The following CADM2 variants were observed in gnomAD, a reference collection of about 807,000 sequenced individuals.
CADM2 encodes the protein immunoglobulin superfamily member 4D.
In CADM2, 12 loss-of-function variants were observed where a neutral mutation model predicts 49.8. That is an observed-to-expected ratio of 0.24 (90% CI 0.15 to 0.39). The LOEUF is 0.39. Among genes scored for constraint, CADM2 ranks in the 10% least tolerant of loss-of-function variants. CADM2 has a pLI of 1.00. For synonymous variants in CADM2, 214 were observed against 175.4 expected, an observed-to-expected ratio of 1.22 and a Z score of -1.74; for missense variants, 378 against 492.3, an observed-to-expected ratio of 0.77 and a Z score of 2.20.
chr3:85,636,925 T>G (rs1359602421), intron 1 of CADM2, among the ~76,000 whole-genome samples: 1 of 152,170 alleles, frequency 6.6e-6, no homozygotes, highest in Non-Finnish European at 1.5e-5. Context: ...AACAAAATGC[T>G]TGTCTCAGAA....
At chr3:85,126,906 A>G (rs1440816517) in intron 1 of CADM2, among the ~76,000 whole-genome samples, 1 of 152,168 alleles carries the variant, frequency 6.6e-6, no homozygotes, top group Non-Finnish European at 1.5e-5. Flanking sequence ...ACCTGGATCA[A>G]GAGTTTAAAA....
At chr3:84,962,414 T>TCAAA (rs34334068) in intron 1 of CADM2, among the ~76,000 whole-genome samples, 83,889 of 151,534 alleles carry the variant, frequency 0.55, 23,618 homozygotes, top group African/African-American at 0.63. Flanking sequence ...CAGTTTTTGC[T>TCAAA]CAAATTGCTC....
chr3:85,501,239 GA>G, intron 1 of CADM2, among the ~76,000 whole-genome samples: 2 of 152,204 alleles, frequency 1.3e-5, no homozygotes, highest in Middle Eastern at 6.8e-3. Flanking sequence ...TATTTTACTT[GA>G]AAGATTGGTA....
chr3:85,110,675 G>T (rs569768037), intron 1 of CADM2, among the ~76,000 whole-genome samples: 1 of 151,790 alleles, frequency 6.6e-6, no homozygotes, highest in Non-Finnish European at 1.5e-5. Flanking sequence ...TGTTAAGCTG[G>T]CAAATACACG....
chr3:85,953,735 G>A (rs937100220), intron 7 of CADM2, among the ~76,000 whole-genome samples: 2 of 150,744 alleles, frequency 1.3e-5, no homozygotes, highest in Non-Finnish European at 3.0e-5. Context: ...ACAATCCCTG[G>A]TTCAAAAACT....
At chr3:85,264,724 A>G (rs114492138) in intron 1 of CADM2, among the ~76,000 whole-genome samples, 404 of 152,242 alleles carry the variant, frequency 2.7e-3, no homozygotes, top group Middle Eastern at 3.4e-3. Context: ...ATAACTATGG[A>G]ACATAAGTAA....
intron 8 of CADM2, 30 bp downstream of exon 8, chr3:85,961,677 GA>G: frequency 6.8e-7 from 1 of 1,463,432 alleles, no homozygotes; most frequent in Non-Finnish European, 9.2e-7. Context: ...CATTATATGT[GA>G]AAGGATGCAT....
rs1017196663 is a variant in CADM2, at chr3:84,970,342, A to G, written c.61+10674A>G. ...ATTATCTGCCTTTTAAAGAAAATAT[A>G]AGTACAGTTACTGGAAACTCGAAAC... On this transcript the variant is annotated intron_variant, in intron 1 of 9. Coordinates refer to ENST00000383699, the MANE Select transcript of CADM2 (RefSeq NM_001167675.2). Among the ~76,000 whole-genome samples the G allele has an allele frequency of 2.2e-4, 33 of 151,414 alleles. 1 individual carries two copies. The highest frequency in any genetic ancestry group is 1.8e-3 in the Admixed American group (28 of 15,174).
chr3:85,269,769 T>A (rs2043197088), intron 1 of CADM2, among the ~76,000 whole-genome samples: 1 of 151,382 alleles, frequency 6.6e-6, no homozygotes, highest in Non-Finnish European at 1.5e-5. Context: ...GCCGAATCAA[T>A]GCAAACCATC....
At chr3:85,099,822 G>A (rs147247097) in intron 1 of CADM2, among the ~76,000 whole-genome samples, 1 of 152,260 alleles carries the variant, frequency 6.6e-6, no homozygotes, top group African/African-American at 2.4e-5. Flanking sequence ...ATACACTAGC[G>A]ATGGAATGGG....
intron 1 of CADM2, among the ~76,000 whole-genome samples, chr3:85,458,215 G>A (rs1576592045): frequency 6.6e-6 from 1 of 152,042 alleles, no homozygotes; most frequent in Non-Finnish European, 1.5e-5. Flanking sequence ...GCTGAATAAC[G>A]TTATTCTTTG....
intron 1 of CADM2, among the ~76,000 whole-genome samples, chr3:85,245,263 A>G (rs2042619123): frequency 6.6e-6 from 1 of 152,190 alleles, no homozygotes; most frequent in South Asian, 2.1e-4. Flanking sequence ...CTGTAATCCC[A>G]GCACTTTGGG....
intron 6 of CADM2, among the ~76,000 whole-genome samples, chr3:85,918,217 T>A (rs1371849650): frequency 6.6e-6 from 1 of 152,152 alleles, no homozygotes; most frequent in Non-Finnish European, 1.5e-5. Context: ...AGAGAAGGCA[T>A]CCCTGTCTTG....
chr3:85,116,901 T>A (rs2038659040), intron 1 of CADM2, among the ~76,000 whole-genome samples: 1 of 152,140 alleles, frequency 6.6e-6, no homozygotes, highest in African/African-American at 2.4e-5. Context: ...TAGCTAAAGA[T>A]AAGATAATTT....
At chr3:85,811,798 C>T (rs370274896) in intron 3 of CADM2, among the ~76,000 whole-genome samples, 13 of 151,388 alleles carry the variant, frequency 8.6e-5, no homozygotes, top group African/African-American at 2.9e-4. Context: ...ATTTTCCTCT[C>T]TCAAAACAAA....
At chr3:86,047,068 G>A (rs575598841) in intron 8 of CADM2, among the ~76,000 whole-genome samples, 1 of 152,064 alleles carries the variant, frequency 6.6e-6, no homozygotes, top group African/African-American at 2.4e-5. Flanking sequence ...GTCATCAAGA[G>A]CAAGTTCTAG....
chr3:85,521,875 A>T (rs1244777590), intron 1 of CADM2, among the ~76,000 whole-genome samples: 6 of 152,080 alleles, frequency 3.9e-5, no homozygotes, highest in Non-Finnish European at 8.8e-5. Context: ...CTGAAAATGA[A>T]TGCTGCACTG....
At chr3:85,333,409 TTA>T (rs2044990328) in intron 1 of CADM2, among the ~76,000 whole-genome samples, 1 of 151,784 alleles carries the variant, frequency 6.6e-6, no homozygotes, top group Non-Finnish European at 1.5e-5. Flanking sequence ...AAGTTAAATT[TTA>T]TGTCTATATT....
chr3:85,576,121 A>G (rs1186451840), intron 1 of CADM2, among the ~76,000 whole-genome samples: 1 of 152,188 alleles, frequency 6.6e-6, no homozygotes, highest in Non-Finnish European at 1.5e-5. Flanking sequence ...TAACTACCAG[A>G]TTGTCAACTT....
Sources: gnomAD v4.1 joint callset for allele counts (sites outside exome capture counted in the v4.1 genomes callset) on GRCh38, gnomAD v4.1.1 for gene constraint, MANE v1.5 for transcripts, NCBI Gene and HGNC (gene_info 2026-07-23, HGNC 2026-07-21) for gene names.